Variants in KAZN observed in about 807,000 individuals in gnomAD.
KAZN encodes the protein kazrin, periplakin interacting protein, also known as kazrin.
A neutral mutation model predicts 87.4 loss-of-function variants in KAZN; 40 were observed. That is an observed-to-expected ratio of 0.46 (90% CI 0.36 to 0.60). KAZN has a LOEUF of 0.60. Ranked by LOEUF, KAZN falls within the 20% of genes least tolerant of loss-of-function variation. The pLI is 0.00. For missense variants in KAZN, 898 were observed against 1,073.9 expected (o/e 0.84, Z 2.29); for synonymous variants, 466 against 458.3 (o/e 1.02, Z -0.22).
intron 2 of KAZN, among the ~76,000 whole-genome samples, chr1:14,593,209 G>A (rs1313096209): frequency 6.6e-6 from 1 of 152,220 alleles, no homozygotes; most frequent in Non-Finnish European, 1.5e-5. Context: ...AGAATTCCTG[G>A]AGAAGACTGA....
At chr1:14,018,408 T>G (rs1486046612) in intron 1 of KAZN, among the ~76,000 whole-genome samples, 1 of 152,168 alleles carries the variant, frequency 6.6e-6, no homozygotes, top group Admixed American at 6.5e-5. Context: ...AGTGTGAACT[T>G]GCTGATCTTC....
chr1:13,995,778 C>T (rs1189649133), intron 1 of KAZN, among the ~76,000 whole-genome samples: 1 of 152,192 alleles, frequency 6.6e-6, no homozygotes, highest in Non-Finnish European at 1.5e-5. Flanking sequence ...CAGACTGACA[C>T]TCCTTGCTCC....
At chr1:14,823,430 A>G (rs1646794066) in intron 1 of KAZN, among the ~76,000 whole-genome samples, 2 of 152,076 alleles carry the variant, frequency 1.3e-5, no homozygotes, top group Admixed American at 6.5e-5. Context: ...GAGAGTAGAT[A>G]CAGAGGTTGG....
intron 2 of KAZN, among the ~76,000 whole-genome samples, chr1:14,394,911 T>G (rs1479049438): frequency 6.6e-6 from 1 of 152,220 alleles, no homozygotes; most frequent in Non-Finnish European, 1.5e-5. Context: ...GACCTAGCTT[T>G]GCAGACTCAG....
chr1:14,574,630 T>G lies in KAZN; in HGVS notation c.250-24353T>G, dbSNP rs567911962. On this transcript the variant is annotated intron_variant, in intron 2 of 16. Transcript: ENST00000636203. Reference sequence around the variant, plus strand: ...AGACCATTAAACCTCTTTTTCTTTATAAATTACCCAGTCTCGGGTATGTCT... The same window carrying G: ...AGACCATTAAACCTCTTTTTCTTTAGAAATTACCCAGTCTCGGGTATGTCT... Among the ~76,000 whole-genome samples the G allele has an allele frequency of 3.9e-5, 6 of 152,344 alleles. No homozygotes were observed. The South Asian group carries it at 1.2e-3, about 32-fold the overall frequency.
At chr1:14,935,380 T>C (rs1660330147) in intron 1 of KAZN, among the ~76,000 whole-genome samples, 1 of 152,162 alleles carries the variant, frequency 6.6e-6, no homozygotes, top group Non-Finnish European at 1.5e-5. Flanking sequence ...GGCCCTACTG[T>C]GTCCTTTGTG....
intron 1 of KAZN, among the ~76,000 whole-genome samples, chr1:14,915,741 C>T (rs1252916110): frequency 6.6e-6 from 1 of 152,238 alleles, no homozygotes; most frequent in Non-Finnish European, 1.5e-5. Context: ...CCAGCCACAT[C>T]ACCTTGGATG....
At chr1:15,011,302 AT>A (rs1395924167) in intron 2 of KAZN, among the ~76,000 whole-genome samples, 1 of 152,152 alleles carries the variant, frequency 6.6e-6, no homozygotes, top group East Asian at 1.9e-4. Context: ...TTATCTCTAA[AT>A]CCCAGGGCTC....
intron 2 of KAZN, among the ~76,000 whole-genome samples, chr1:14,475,121 T>C (rs1302710742): frequency 6.6e-6 from 1 of 151,644 alleles, no homozygotes; most frequent in African/African-American, 2.4e-5. Context: ...GGATGGATGG[T>C]AGATAGATAT....
At chr1:14,257,957 A>AT (rs1193689823) in intron 2 of KAZN, among the ~76,000 whole-genome samples, 1 of 40,294 alleles carries the variant, frequency 2.5e-5, no homozygotes, top group African/African-American at 1.1e-4. Context: ...AAAAAAAAAC[A>AT]TTAAAAAAAA....
intron 13 of KAZN, 109 bp from the exon 14 acceptor site, chr1:15,112,318 C>A: frequency 1.4e-6 from 1 of 720,334 alleles, no homozygotes; most frequent in Non-Finnish European, 2.5e-6. Flanking sequence ...CAGCTGTGGT[C>A]ATTGTCACCA....
chr1:14,632,253 A>G (rs183041137), intron 1 of KAZN, among the ~76,000 whole-genome samples: 10 of 152,332 alleles, frequency 6.6e-5, no homozygotes, highest in Admixed American at 6.5e-4. Flanking sequence ...TTTTGAATGC[A>G]TTAAAGGTCC....
chr1:14,599,208 C>G lies in KAZN; in HGVS notation c.211C>G (p.Gln71Glu). ...GGCGGCGACGAACATGGAGAACCCCCAGCTTGGAGCGCAAGGTAGGATCGC... is the reference window on the plus strand; with the variant it reads ...GGCGGCGACGAACATGGAGAACCCCGAGCTTGGAGCGCAAGGTAGGATCGC... ...DSAATNMENP[Q>E]LGAQVLLREE... The change falls in exon 1 of 15, where the codon CAG becomes GAG. Residue 71 changes from glutamine (Q) to glutamate (E), a missense_variant. This residue lies in a region of KAZN where 250 missense variants were observed against 263.0 expected (regional missense o/e 0.95). Coordinates refer to ENST00000376030, the MANE Select transcript of KAZN (RefSeq NM_201628.3). The surrounding 1 kb of genome is among the most constrained non-coding windows in gnomAD (Gnocchi z 4.4). 7.1e-7 allele frequency: 1 copy of G among 1,401,246 alleles called. No individual in the cohort carries two copies. The highest frequency in any genetic ancestry group is 9.3e-7 in the Non-Finnish European group (1 of 1,080,312). The allele number at this position is 1,401,246 out of a possible 1,614,324, so 86.8% of individuals were successfully genotyped here. A position where few individuals can be genotyped will look rare whatever the true frequency, so the allele number is the denominator to read the frequency against.
At chr1:14,935,078 C>T (rs895887264) in intron 1 of KAZN, among the ~76,000 whole-genome samples, 1 of 152,178 alleles carries the variant, frequency 6.6e-6, no homozygotes, top group East Asian at 1.9e-4. Flanking sequence ...CTTCCAGGCC[C>T]TCCTGGGTGC....
chr1:14,385,480 T>C (rs983908529), intron 2 of KAZN, among the ~76,000 whole-genome samples: 3 of 152,200 alleles, frequency 2.0e-5, no homozygotes, highest in Non-Finnish European at 4.4e-5. Flanking sequence ...ACACACTGCT[T>C]TGAATGTGTC....
chr1:14,931,540 G>C (rs954292014), intron 1 of KAZN, among the ~76,000 whole-genome samples: 4 of 152,122 alleles, frequency 2.6e-5, no homozygotes, highest in African/African-American at 7.2e-5. Context: ...ACCCATTCAA[G>C]GAGGGTCTCA....
At chr1:14,657,015 G>T (rs74405142) in intron 1 of KAZN, among the ~76,000 whole-genome samples, 7,277 of 151,900 alleles carry the variant, frequency 0.048, 250 homozygotes, top group Middle Eastern at 0.079. Flanking sequence ...CCAACCTAGG[G>T]CTGTCTTCTT....
intron 1 of KAZN, among the ~76,000 whole-genome samples, chr1:14,933,049 T>C (rs765669160): frequency 8.5e-5 from 13 of 152,102 alleles, no homozygotes; most frequent in Non-Finnish European, 1.6e-4. Context: ...TCCAGGTACC[T>C]CATCTAAGTA....
intron 1 of KAZN, among the ~76,000 whole-genome samples, chr1:14,146,620 A>T (rs901171981): frequency 4.0e-5 from 6 of 151,720 alleles, no homozygotes; most frequent in African/African-American, 1.5e-4. Context: ...TGCAGGTGCA[A>T]AAAGACCTTT....
Sources: allele counts gnomAD v4.1 joint callset (sites outside exome capture counted in the v4.1 genomes callset), GRCh38; gene constraint gnomAD v4.1.1; regional missense constraint gnomAD v4.1.1; non-coding constraint Gnocchi (gnomAD v3.1); transcripts MANE v1.5; gene names NCBI Gene and HGNC (gene_info 2026-07-23, HGNC 2026-07-21).